MS4A3: variants seen among roughly 807,000 people sequenced by gnomAD.
MS4A3 encodes membrane-spanning 4-domains subfamily A member 3.
MS4A3 carries 18 observed loss-of-function variants against 24.7 expected under a neutral mutation model. The ratio of observed to expected loss-of-function variants is 0.73; its 90% CI spans 0.50 to 1.08. The LOEUF (loss-of-function observed/expected upper bound fraction) is 1.08, where lower values mean the gene tolerates loss of function less well. Ranked by LOEUF, MS4A3 falls within the 50% of genes least tolerant of loss-of-function variation. The pLI is 0.00. For missense variants in MS4A3, 282 were observed against 251.7 expected, an observed-to-expected ratio of 1.12 and a Z score of -0.82; for synonymous variants, 84 against 95.3, an observed-to-expected ratio of 0.88 and a Z score of 0.69.
chr11:60,067,151 C>A, intron 5 of MS4A3, 39 bp downstream of exon 5: 4 of 1,419,590 alleles, frequency 2.8e-6, no homozygotes, highest in Admixed American at 2.3e-5. Flanking sequence ...TAAAATATTT[C>A]AAACAATCCA....
intron 5 of MS4A3, among the ~76,000 whole-genome samples, chr11:60,068,435 G>A (rs1227302280): frequency 2.2e-5 from 3 of 137,752 alleles, no homozygotes; most frequent in Non-Finnish European, 4.7e-5. Flanking sequence ...TGTATTTTTA[G>A]TAGAGACGGG....
chr11:60,062,424 T>G (rs1565062582), intron 2 of MS4A3, 44 bp from the exon 3 acceptor site: 1 of 1,611,786 alleles, frequency 6.2e-7, no homozygotes, highest in South Asian at 1.1e-5. Flanking sequence ...CAGTGTCCAC[T>G]TTAGTATATG....
In MS4A3 at chr11:60,061,315, G is replaced by T; in HGVS notation, c.155G>T (p.Gly52Val). 2 of 1,604,206 alleles carry T rather than the reference G, an allele frequency of 1.2e-6. No individual in the cohort carries two copies. Among genetic ancestry groups the T allele is most frequent in the South Asian group, 2.2e-5 (2 of 89,046 alleles). The change falls in exon 2 of 7, where the codon GGG becomes GTG. Residue 52 changes from glycine (G) to valine (V), a missense_variant and splice_region_variant. Gly to Val is a moderately radical substitution (Grantham distance 109). Transcript: ENST00000278865. The stretch of plus-strand genomic sequence containing the variant: ...CAGAAAGCAAAATTACAAGTTCTTG[G>T]GGTAAGTCAGCCTTAGTTTAAACAC... ...DYQKAKLQVL[G>V]AIQILNAAMI...
Position 60,064,275 on chromosome 11 carries a change from G to T in MS4A3, c.308G>T (p.Gly103Val). Residue 103 changes from glycine (G) to valine (V), a missense_variant, in exon 4 of 7, where the codon GGA (glycine) becomes GTA (valine). Transcript: ENST00000278865. ...IWGAVFFCSS[G>V]TLSVVAGIKP... is the part of the protein sequence containing the mutation. ...ATTTTCAAACAGTTCTGTAGTTCAG[G>T]AACCTTGTCTGTTGTAGCAGGGATA... 1 of 1,604,228 alleles carries T rather than the reference G, an allele frequency of 6.2e-7. No homozygotes were observed. Among genetic ancestry groups the T allele is most frequent in the African/African-American group, 1.3e-5 (1 of 74,594 alleles).
intron 4 of MS4A3, among the ~76,000 whole-genome samples, chr11:60,065,146 C>A (rs1855338977): frequency 6.6e-6 from 1 of 152,026 alleles, no homozygotes; most frequent in East Asian, 1.9e-4. Context: ...CTCATGCAAT[C>A]CTCCCACCTC....
chr11:60,069,558 G>A lies in MS4A3; in HGVS notation c.514-16G>A, dbSNP rs113399463. On this transcript the variant is annotated splice_polypyrimidine_tract_variant and intron_variant, in intron 5 of 6. Coordinates refer to ENST00000278865, the MANE Select transcript of MS4A3 (RefSeq NM_006138.5). ...ATGTTGCCACTGGGTTTGATATAAG[G>A]CATCATATCCCCTAGGGCATGGTGT... 22 of 1,572,954 alleles carry A rather than the reference G, an allele frequency of 1.4e-5. 1 individual carries two copies. The African/African-American group carries it at 2.0e-4, about 14-fold the overall frequency.
intron 1 of MS4A3, among the ~76,000 whole-genome samples, chr11:60,058,635 T>C (rs1855214837): frequency 6.7e-6 from 1 of 150,140 alleles, no homozygotes; most frequent in East Asian, 2.0e-4. Flanking sequence ...TTGAAGACAT[T>C]TGAGGGTTTA....
In MS4A3 at chr11:60,067,113, G is replaced by A. The variant is rs1565064518; in HGVS notation, c.513+1G>A. On this transcript the variant is annotated splice_donor_variant, in intron 5 of 6. Coordinates refer to ENST00000278865, the MANE Select transcript of MS4A3 (RefSeq NM_006138.5). LOFTEE classifies it high-confidence loss of function. ...CAATTACATGGGCTCCATATCAAATGTATGTTTCTGAAAAATATGTATAAG... is the reference window on the plus strand; with the variant it reads ...CAATTACATGGGCTCCATATCAAATATATGTTTCTGAAAAATATGTATAAG... 2.5e-6 allele frequency: 4 copies of A among 1,586,886 alleles called. No homozygotes were observed. The highest frequency in any genetic ancestry group is 3.4e-6 in the Non-Finnish European group (4 of 1,168,442).
chr11:60,060,637 A>C (rs1009657342), intron 1 of MS4A3, among the ~76,000 whole-genome samples: 1 of 152,026 alleles, frequency 6.6e-6, no homozygotes, highest in East Asian at 1.9e-4. Flanking sequence ...CTATACCTCA[A>C]TTTTTTTCAT....
intron 6 of MS4A3, 23 bp from the exon 7 acceptor site, chr11:60,070,181 A>T: frequency 1.3e-6 from 2 of 1,587,422 alleles, no homozygotes; most frequent in Non-Finnish European, 1.7e-6. Context: ...GTTCTTGGAC[A>T]TTAATGTTGT....
chr11:60,068,837 A>C (rs563253720), intron 5 of MS4A3, among the ~76,000 whole-genome samples: 84 of 152,098 alleles, frequency 5.5e-4, no homozygotes, highest in African/African-American at 2.0e-3. Context: ...ATTTCTGTTA[A>C]TGCTATCCCT....
In MS4A3 at chr11:60,062,518, G is replaced by T. The variant is rs148106111; in HGVS notation, c.207G>T (p.Leu69=). The T allele has an allele frequency of 8.2e-4, 1,330 of 1,614,052 alleles. 1 individual carries two copies. Among genetic ancestry groups the T allele is most frequent in the Middle Eastern group, 9.9e-4 (6 of 6,058 alleles). The stretch of plus-strand genomic sequence containing the variant: ...TGATTCTGGCTTTGGGTGTCTTTCT[G>T]GGTTCCTTGCAATACCCATACCACT... ...AAMILALGVF[L]GSLQYPYHFQ... is the part of the protein sequence containing the mutation. Residue 69 remains leucine (L), a synonymous_variant, in exon 3 of 7, where the codon CTG becomes CTT. Transcript: ENST00000278865.
chr11:60,062,461 C>G lies in MS4A3; in HGVS notation c.157-7C>G. 6.2e-7 allele frequency: 1 copy of G among 1,613,956 alleles called. No homozygotes were observed. The highest frequency in any genetic ancestry group is 8.5e-7 in the Non-Finnish European group (1 of 1,179,938). On this transcript the variant is annotated splice_region_variant and splice_polypyrimidine_tract_variant and intron_variant, in intron 2 of 6. Transcript: ENST00000278865. ...CTGTTACGCCTTTTTCCCCTTTCTT[C>G]TTTCAGGCCATCCAGATCCTGAATG...
intron 2 of MS4A3, 63 bp downstream of exon 2, chr11:60,061,379 G>T: frequency 6.5e-7 from 1 of 1,536,076 alleles, no homozygotes; most frequent in Non-Finnish European, 8.8e-7. Context: ...GTTGACCTGT[G>T]AATAACGTGC....
chr11:60,061,452 C>G (rs1855273660), intron 2 of MS4A3, 136 bp downstream of exon 2: 1 of 1,002,708 alleles, frequency 1.0e-6, no homozygotes, highest in Non-Finnish European at 1.5e-6. Context: ...CATCCCGAGA[C>G]AGCAAGAACA....
At chr11:60,067,214 T>C in intron 5 of MS4A3, 102 bp downstream of exon 5, 1 of 577,180 alleles carries the variant, frequency 1.7e-6, no homozygotes, top group Non-Finnish European at 2.5e-6. Flanking sequence ...ATTTGAATCT[T>C]TTTTTTTTTT....
At chr11:60,060,479 T>C (rs968295346) in intron 1 of MS4A3, among the ~76,000 whole-genome samples, 3 of 152,144 alleles carry the variant, frequency 2.0e-5, no homozygotes, top group Non-Finnish European at 4.4e-5. Context: ...AACTCTACCA[T>C]GCTATGTTGG....
intron 3 of MS4A3, among the ~76,000 whole-genome samples, chr11:60,063,578 G>A (rs866044398): frequency 6.6e-6 from 1 of 152,126 alleles, no homozygotes; most frequent in Admixed American, 6.5e-5. Context: ...TAGATGTATA[G>A]ATTGTGAAGA....
intron 5 of MS4A3, among the ~76,000 whole-genome samples, chr11:60,067,316 G>C (rs544164472): frequency 3.9e-4 from 58 of 150,066 alleles, no homozygotes; most frequent in South Asian, 1.3e-3. Flanking sequence ...TGGGTTCACA[G>C]CATTCTCCTG....
Sources: gnomAD v4.1 joint callset for allele counts (sites outside exome capture counted in the v4.1 genomes callset) on GRCh38, gnomAD v4.1.1 for gene constraint, MANE v1.5 for transcripts, NCBI Gene and HGNC (gene_info 2026-07-23, HGNC 2026-07-21) for gene names.